Variants in TTLL5 observed in about 807,000 individuals in gnomAD.
The protein encoded by TTLL5 is tubulin tyrosine ligase like 5, also known as tubulin polyglutamylase TTLL5.
Under a neutral mutation model 168.4 loss-of-function variants are expected in TTLL5, and 132 were observed. The ratio of observed to expected loss-of-function variants is 0.78; its 90% CI spans 0.68 to 0.91. The LOEUF is 0.91. TTLL5 is among the 40% of genes least tolerant of loss of function. The probability of loss-of-function intolerance (pLI) is 0.00; values close to 1 mark genes in which losing one functional copy is unlikely to be tolerated. For synonymous variants in TTLL5, 546 were observed against 558.6 expected (o/e 0.98, Z 0.32); for missense variants, 1,545 against 1,581.5 (o/e 0.98, Z 0.39).
chr14:75,835,842 G>A (rs1241165547), intron 28 of TTLL5, among the ~76,000 whole-genome samples: 3 of 152,182 alleles, frequency 2.0e-5, no homozygotes, highest in Non-Finnish European at 2.9e-5. Context: ...AAACTTCAGT[G>A]AGATACCATC....
chr14:75,801,464 TA>T (rs1432607469), intron 27 of TTLL5, among the ~76,000 whole-genome samples: 19 of 152,194 alleles, frequency 1.2e-4, no homozygotes, highest in African/African-American at 4.3e-4. Context: ...TTCTTTGTAT[TA>T]CAGACAATCC....
chr14:75,675,148 A>G (rs767145010), intron 3 of TTLL5, among the ~76,000 whole-genome samples: 1 of 152,218 alleles, frequency 6.6e-6, no homozygotes, highest in African/African-American at 2.4e-5. Context: ...TAAATTAACT[A>G]AAGTTAAATA....
At chr14:75,702,854 G>A (rs975393976) in intron 7 of TTLL5, among the ~76,000 whole-genome samples, 5 of 152,208 alleles carry the variant, frequency 3.3e-5, no homozygotes, top group African/African-American at 7.2e-5. Context: ...GTGCCAGACA[G>A]AAGCCTGGGA....
intron 15 of TTLL5, among the ~76,000 whole-genome samples, chr14:75,743,229 G>T (rs1889378076): frequency 6.6e-6 from 1 of 152,134 alleles, no homozygotes; most frequent in Admixed American, 6.5e-5. Flanking sequence ...AGAAAATTTA[G>T]CTTTTATAAC....
At chr14:75,803,498 T>G (rs1282034388) in intron 27 of TTLL5, among the ~76,000 whole-genome samples, 1 of 152,224 alleles carries the variant, frequency 6.6e-6, no homozygotes, top group Non-Finnish European at 1.5e-5. Context: ...CAAGCACGTG[T>G]ATACTTGAAA....
chr14:75,710,135 T>A (rs1886963153), intron 9 of TTLL5: 1 of 152,136 alleles, frequency 6.6e-6, no homozygotes, highest in Non-Finnish European at 1.5e-5. Context: ...TCACTGTTTC[T>A]CAAGGACATC....
intron 7 of TTLL5, among the ~76,000 whole-genome samples, chr14:75,706,473 T>C (rs1320465443): frequency 6.6e-6 from 1 of 152,216 alleles, no homozygotes; most frequent in African/African-American, 2.4e-5. Flanking sequence ...AAAGACCTTA[T>C]TCACTCTTTG....
chr14:75,853,545 A>G (rs753291175), intron 28 of TTLL5, among the ~76,000 whole-genome samples: 81 of 152,238 alleles, frequency 5.3e-4, no homozygotes, highest in Non-Finnish European at 1.1e-3. Context: ...CTGAAATGAA[A>G]TAACTGCTTA....
intron 2 of TTLL5, among the ~76,000 whole-genome samples, chr14:75,665,468 A>C (rs1200564786): frequency 6.6e-6 from 1 of 152,160 alleles, no homozygotes. Context: ...TTGTTGTCCA[A>C]CCTCATCACA....
intron 18 of TTLL5, among the ~76,000 whole-genome samples, chr14:75,759,454 T>C (rs961628433): frequency 2.0e-5 from 3 of 152,120 alleles, no homozygotes; most frequent in Non-Finnish European, 4.4e-5. Context: ...TGTCAAGCAT[T>C]TGAGGAATAA....
At chr14:75,777,927 G>A (rs779964902) in intron 23 of TTLL5, among the ~76,000 whole-genome samples, 1 of 151,002 alleles carries the variant, frequency 6.6e-6, no homozygotes, top group African/African-American at 2.4e-5. Flanking sequence ...TGATAAAACA[G>A]GTATAGTAAC....
chr14:75,681,245 G>T (rs1884588126), intron 3 of TTLL5, among the ~76,000 whole-genome samples: 1 of 152,074 alleles, frequency 6.6e-6, no homozygotes, highest in Non-Finnish European at 1.5e-5. Flanking sequence ...GTTAGTGGCA[G>T]GGTCACAGAT....
At chr14:75,753,279 A>G (rs1404162714) in intron 18 of TTLL5, among the ~76,000 whole-genome samples, 1 of 152,226 alleles carries the variant, frequency 6.6e-6, no homozygotes, top group Non-Finnish European at 1.5e-5. Context: ...AGACACGATT[A>G]TCTGTTTTTC....
chr14:75,695,670 A>G (rs919416662), intron 6 of TTLL5, among the ~76,000 whole-genome samples: 2 of 152,142 alleles, frequency 1.3e-5, no homozygotes, highest in Non-Finnish European at 2.9e-5. Flanking sequence ...CACTTAGGGA[A>G]ATAGAAAAGA....
chr14:75,922,274 T>A (rs1466476996), intron 31 of TTLL5, among the ~76,000 whole-genome samples: 4 of 151,946 alleles, frequency 2.6e-5, no homozygotes, highest in Non-Finnish European at 5.9e-5. Context: ...CTATGTTGAA[T>A]AGGAGTGGTG....
intron 31 of TTLL5, among the ~76,000 whole-genome samples, chr14:75,936,613 C>T (rs1263695477): frequency 6.6e-6 from 1 of 152,190 alleles, no homozygotes; most frequent in Non-Finnish European, 1.5e-5. Flanking sequence ...AAGCATCTCT[C>T]TTTCTACTTT....
At chr14:75,903,652 G>A (rs1010094789) in intron 31 of TTLL5, among the ~76,000 whole-genome samples, 14 of 151,762 alleles carry the variant, frequency 9.2e-5, no homozygotes, top group Non-Finnish European at 1.6e-4. Context: ...GCCTATAATC[G>A]CAATGCTTTG....
chr14:75,688,882 A>G (rs1243818778), intron 5 of TTLL5, among the ~76,000 whole-genome samples: 1 of 152,212 alleles, frequency 6.6e-6, no homozygotes, highest in Non-Finnish European at 1.5e-5. Context: ...CAGAATAACC[A>G]TTTGGCAGTT....
Position 75,692,397 on chromosome 14 carries a change from G to C in TTLL5, c.502+2075G>C, listed in dbSNP as rs76219167. On this transcript the variant is annotated intron_variant, in intron 6 of 31. Coordinates refer to ENST00000298832, the MANE Select transcript of TTLL5 (RefSeq NM_015072.5). The stretch of plus-strand genomic sequence containing the variant: ...TGTTTAACTACTAACTAAAGTTGTA[G>C]TTATGTTATTAATAACTACTATTAA... 7.2e-3 allele frequency among the ~76,000 whole-genome samples: 1,101 copies of C among 152,072 alleles called. 18 individuals are homozygous for C. Among genetic ancestry groups the C allele is most frequent in the African/African-American group, 0.025 (1,045 of 41,456 alleles).
Sources: allele counts gnomAD v4.1 joint callset (sites outside exome capture counted in the v4.1 genomes callset), GRCh38; gene constraint gnomAD v4.1.1; transcripts MANE v1.5; gene names NCBI Gene and HGNC (gene_info 2026-07-23, HGNC 2026-07-21).